GMDS: variants seen among roughly 807,000 people sequenced by gnomAD.
The protein encoded by GMDS is GDP-mannose 4,6 dehydratase.
A neutral mutation model predicts 49.9 loss-of-function variants in GMDS; 20 were observed. The ratio of observed to expected loss-of-function variants is 0.40; its 90% confidence interval spans 0.28 to 0.58. The LOEUF (loss-of-function observed/expected upper bound fraction) is 0.58. GMDS is among the 20% of genes least tolerant of loss of function. The probability of loss-of-function intolerance (pLI) is 0.42; values close to 1 mark genes in which losing one functional copy is unlikely to be tolerated. For synonymous variants in GMDS, 177 were observed against 178.6 expected (o/e 0.99, Z 0.07); for missense variants, 362 against 481.4 (o/e 0.75, Z 2.32).
intron 4 of GMDS, among the ~76,000 whole-genome samples, chr6:2,025,777 G>T (rs1185370277): frequency 6.6e-6 from 1 of 152,048 alleles, no homozygotes; most frequent in Non-Finnish European, 1.5e-5. Flanking sequence ...AACTCAGTAT[G>T]TACAGAATAC....
chr6:2,219,713 C>T (rs1010699920), intron 1 of GMDS, among the ~76,000 whole-genome samples: 3 of 152,176 alleles, frequency 2.0e-5, no homozygotes, highest in Admixed American at 6.5e-5. Flanking sequence ...ACCTCCTGGG[C>T]ACCAACTTAA....
chr6:1,680,522 G>C (rs550607694), intron 9 of GMDS, among the ~76,000 whole-genome samples: 49 of 132,454 alleles, frequency 3.7e-4, no homozygotes, highest in African/African-American at 1.3e-3. Flanking sequence ...TTCTGATCCG[G>C]CACCGTGACC....
At position 1,827,078 on chromosome 6, in the gene GMDS, A is replaced by G. The variant is rs72841937; in HGVS notation, c.772-84492T>C. Among the ~76,000 whole-genome samples, 471 of 125,262 alleles carry G rather than the reference A, an allele frequency of 3.8e-3. 1 individual carries two copies. Among genetic ancestry groups the G allele is most frequent in the East Asian group, 0.021 (88 of 4,280 alleles). 82.2% of individuals were successfully genotyped at this position (125,262 alleles called of 152,430 possible). On this transcript the variant is annotated intron_variant, in intron 7 of 10. Transcript: ENST00000380815. ...TACGCTGTCTCTTAAAAAAATATAT[A>G]TGTGTGTGTGTGTGTGTGTGTGTGT...
At position 1,752,844 on chromosome 6, in the gene GMDS, T is replaced by C. The variant is rs538922488; in HGVS notation, c.772-10258A>G. Among the ~76,000 whole-genome samples the C allele has an allele frequency of 2.8e-4, 42 of 152,304 alleles. No homozygotes were observed. In the East Asian group the frequency reaches 3.1e-3, roughly 11 times the overall value. On this transcript the variant is annotated intron_variant, in intron 7 of 10. Transcript: ENST00000380815. ...ACAGACAAGCAAATGCTGAGAGATT[T>C]TGTCACCACCTGGCCTGCCTTACAA...
At chr6:1,863,142 T>G (rs1758273699) in intron 7 of GMDS, among the ~76,000 whole-genome samples, 1 of 152,164 alleles carries the variant, frequency 6.6e-6, no homozygotes. Flanking sequence ...GCATCGATGG[T>G]TTTTATTACC....
intron 7 of GMDS, among the ~76,000 whole-genome samples, chr6:1,870,120 G>A (rs956383533): frequency 1.3e-5 from 2 of 152,292 alleles, no homozygotes; most frequent in African/African-American, 2.4e-5. Context: ...CTGCCAGCAC[G>A]GTGTCTCTGG....
chr6:1,705,179 G>A (rs968827795), intron 9 of GMDS, among the ~76,000 whole-genome samples: 1 of 152,200 alleles, frequency 6.6e-6, no homozygotes, highest in Non-Finnish European at 1.5e-5. Context: ...CCTTCCCTAT[G>A]CTTAAAGAGC....
intron 4 of GMDS, among the ~76,000 whole-genome samples, chr6:2,059,656 C>T (rs888843428): frequency 9.8e-5 from 12 of 122,094 alleles, no homozygotes; most frequent in African/African-American, 2.8e-4. Flanking sequence ...TGCAGTGAGC[C>T]GAGATCGCAC....
At chr6:2,103,536 C>T (rs1422900269) in intron 4 of GMDS, among the ~76,000 whole-genome samples, 1 of 152,132 alleles carries the variant, frequency 6.6e-6, no homozygotes, top group Admixed American at 6.5e-5. Flanking sequence ...TAGCATTACT[C>T]TAGTGGCATT....
intron 8 of GMDS, among the ~76,000 whole-genome samples, chr6:1,738,047 C>A (rs1186068769): frequency 7.2e-6 from 1 of 138,966 alleles, no homozygotes; most frequent in African/African-American, 2.7e-5. Flanking sequence ...ACACACACCA[C>A]ATACACCACA....
At chr6:1,705,931 G>A (rs1384984325) in intron 9 of GMDS, among the ~76,000 whole-genome samples, 1 of 152,192 alleles carries the variant, frequency 6.6e-6, no homozygotes, top group African/African-American at 2.4e-5. Flanking sequence ...CAGCAGGAAG[G>A]CCCTTGCAAG....
chr6:1,791,087 A>G (rs1020299484), intron 7 of GMDS, among the ~76,000 whole-genome samples: 2 of 152,200 alleles, frequency 1.3e-5, no homozygotes, highest in Non-Finnish European at 2.9e-5. Context: ...AAGCCAAGAA[A>G]TGCAGGTGGC....
intron 1 of GMDS, among the ~76,000 whole-genome samples, chr6:2,192,980 A>G (rs935116052): frequency 2.0e-5 from 3 of 152,248 alleles, no homozygotes; most frequent in Non-Finnish European, 4.4e-5. Context: ...AAAGTGGCAG[A>G]GAAATGTGCT....
chr6:2,059,707 C>CAAA (rs35230658), intron 4 of GMDS, among the ~76,000 whole-genome samples: 889 of 17,754 alleles, frequency 0.05, 161 homozygotes, highest in African/African-American at 0.11. Context: ...GACTCCGTCT[C>CAAA]AAAAAAAAAA....
intron 9 of GMDS, chr6:1,624,746 A>G (rs1157786437): frequency 2.7e-5 from 11 of 414,020 alleles, no homozygotes; most frequent in East Asian, 9.5e-5. Flanking sequence ...TGCTGTGCGG[A>G]CCCGTGAGGA....
At chr6:2,114,227 T>C (rs1774716704) in intron 4 of GMDS, among the ~76,000 whole-genome samples, 1 of 152,136 alleles carries the variant, frequency 6.6e-6, no homozygotes, top group Admixed American at 6.5e-5. Context: ...CTATCTATGA[T>C]TACAAAGGAA....
chr6:2,240,248 A>G (rs1781551565), intron 1 of GMDS, among the ~76,000 whole-genome samples: 1 of 152,242 alleles, frequency 6.6e-6, no homozygotes, highest in African/African-American at 2.4e-5. Flanking sequence ...AAGCAAGGCT[A>G]AATAGTAATA....
chr6:1,727,420 T>A (rs1210550268), intron 8 of GMDS, among the ~76,000 whole-genome samples: 1 of 152,270 alleles, frequency 6.6e-6, no homozygotes, highest in African/African-American at 2.4e-5. Context: ...TATTTTTACA[T>A]ATGAACTTTT....
chr6:1,793,018 A>G (rs919904997), intron 7 of GMDS, among the ~76,000 whole-genome samples: 1 of 152,214 alleles, frequency 6.6e-6, no homozygotes, highest in African/African-American at 2.4e-5. Context: ...TGAAATTCTT[A>G]TTAGACGTTT....
Sources: gnomAD v4.1 joint callset for allele counts (sites outside exome capture counted in the v4.1 genomes callset) on GRCh38, gnomAD v4.1.1 for gene constraint, MANE v1.5 for transcripts, NCBI Gene and HGNC (gene_info 2026-07-23, HGNC 2026-07-21) for gene names.